TVP23A: variants seen among roughly 807,000 people sequenced by gnomAD.
TVP23A encodes the protein trans-golgi network vesicle protein 23 homolog A, also known as Golgi apparatus membrane protein TVP23 homolog A.
In TVP23A, 21 loss-of-function variants were observed where a neutral mutation model predicts 31.7. The observed-to-expected ratio is 0.66, with a 90% CI of 0.47 to 0.95. TVP23A has a LOEUF of 0.95. TVP23A is among the 40% of genes least tolerant of loss of function. TVP23A has a pLI of 0.00. For synonymous variants in TVP23A, 104 were observed against 96.0 expected (o/e 1.08, Z -0.49); for missense variants, 279 against 255.6 (o/e 1.09, Z -0.62).
intron 2 of TVP23A, among the ~76,000 whole-genome samples, chr16:10,785,230 C>A (rs1367212006): frequency 1.3e-5 from 2 of 152,078 alleles, no homozygotes; most frequent in African/African-American, 2.4e-5. Flanking sequence ...CATGGTGAAA[C>A]CTGCCTCTAT....
In TVP23A at chr16:10,812,679, T is replaced by C. The variant is rs1410906586; in HGVS notation, c.89+5424A>G. On this transcript the variant is annotated intron_variant, in intron 2 of 7. Transcript: ENST00000299866. ...GGACAAATACTGTATGACCCTTTTA[T>C]GGGGTCCCTAGAGTAGTCAAATGCA... Among the ~76,000 whole-genome samples, 3 of 152,294 alleles carry C rather than the reference T, an allele frequency of 2.0e-5. No individual in the cohort carries two copies. In the East Asian group the frequency reaches 5.8e-4, roughly 29 times the overall value.
rs146159707 is a variant in TVP23A at position 10,810,823 on chromosome 16, G to A, written c.89+7280C>T. 1.1e-4 allele frequency among the ~76,000 whole-genome samples: 17 copies of A among 152,286 alleles called. No individual in the cohort carries two copies. In the East Asian group the frequency reaches 3.3e-3, roughly 29 times the overall value. On this transcript the variant is annotated intron_variant, in intron 2 of 7. Coordinates refer to ENST00000299866, the MANE Select transcript of TVP23A (RefSeq NM_001079512.4). ...AGAATGAGACACTGTAGGCTCCCCTGGTTCCCAGGCCTTCGGGCTAGGATG... is the reference window on the plus strand; with the variant it reads ...AGAATGAGACACTGTAGGCTCCCCTAGTTCCCAGGCCTTCGGGCTAGGATG...
chr16:10,808,280 G>A (rs887048181), intron 2 of TVP23A, among the ~76,000 whole-genome samples: 1 of 152,176 alleles, frequency 6.6e-6, no homozygotes, highest in Non-Finnish European at 1.5e-5. Context: ...TCATGTCCAG[G>A]ACTGCTTTTG....
At chr16:10,799,840 G>A (rs1431344100) in intron 2 of TVP23A, among the ~76,000 whole-genome samples, 1 of 152,082 alleles carries the variant, frequency 6.6e-6, no homozygotes, top group African/African-American at 2.4e-5. Flanking sequence ...GGGACTCGGA[G>A]TTATTAACTG....
At chr16:10,786,385 G>C (rs2032752722) in intron 2 of TVP23A, among the ~76,000 whole-genome samples, 1 of 151,936 alleles carries the variant, frequency 6.6e-6, no homozygotes, top group Non-Finnish European at 1.5e-5. Flanking sequence ...GCTGCACTGA[G>C]CTATGATCAC....
At chr16:10,773,176 G>A in intron 5 of TVP23A, 137 bp downstream of exon 5, 1 of 1,169,824 alleles carries the variant, frequency 8.5e-7, no homozygotes, top group Non-Finnish European at 1.2e-6. Context: ...TAAATTGTAT[G>A]GAATGTGTAT....
At chr16:10,798,665 G>GTTT (rs1003933414) in intron 2 of TVP23A, among the ~76,000 whole-genome samples, 81 of 152,098 alleles carry the variant, frequency 5.3e-4, no homozygotes, top group African/African-American at 1.9e-3. Flanking sequence ...TTTTGTTTTT[G>GTTT]TTTTTGTTTT....
intron 5 of TVP23A, among the ~76,000 whole-genome samples, chr16:10,772,380 T>A (rs544986506): frequency 6.6e-6 from 1 of 152,200 alleles, no homozygotes; most frequent in Admixed American, 6.6e-5. Context: ...TATTTATTGA[T>A]TTTTTTTAAG....
intron 2 of TVP23A, among the ~76,000 whole-genome samples, chr16:10,782,151 CG>C (rs993068021): frequency 6.6e-5 from 10 of 152,078 alleles, no homozygotes; most frequent in African/African-American, 2.4e-4. Context: ...TGTGAGCTAC[CG>C]TACCTGGCCA....
At chr16:10,817,608 C>G (rs2034500002) in intron 2 of TVP23A, among the ~76,000 whole-genome samples, 1 of 152,200 alleles carries the variant, frequency 6.6e-6, no homozygotes, top group Non-Finnish European at 1.5e-5. Flanking sequence ...TTCCACTTGT[C>G]CAGCCCACTG....
intron 2 of TVP23A, among the ~76,000 whole-genome samples, chr16:10,794,624 G>A (rs1429560556): frequency 3.9e-5 from 6 of 152,150 alleles, no homozygotes; most frequent in African/African-American, 7.2e-5. Context: ...GAGCTTCCCC[G>A]AGTGGGAGTA....
chr16:10,759,809 G>T (rs769555904), downstream of TVP23A, among the ~76,000 whole-genome samples: 1 of 152,142 alleles, frequency 6.6e-6, no homozygotes, highest in Non-Finnish European at 1.5e-5. This position sits in a 1 kb window ranked among gnomAD's most constrained non-coding sequence, Gnocchi z 4.7. Flanking sequence ...AGACTGAGTC[G>T]CAGCCCATTG....
chr16:10,787,951 ATATT>A (rs1266072658), intron 2 of TVP23A, among the ~76,000 whole-genome samples: 2 of 152,162 alleles, frequency 1.3e-5, no homozygotes, highest in Non-Finnish European at 2.9e-5. Flanking sequence ...ACTCTGTAAA[ATATT>A]TAAAGAGATT....
chr16:10,804,607 G>A (rs1019400129), intron 2 of TVP23A, among the ~76,000 whole-genome samples: 3 of 152,210 alleles, frequency 2.0e-5, no homozygotes, highest in Non-Finnish European at 1.5e-5. Flanking sequence ...ATTAGCCGGT[G>A]TGGTGGTACA....
intron 2 of TVP23A, among the ~76,000 whole-genome samples, chr16:10,788,319 G>A (rs1291364031): frequency 6.6e-6 from 1 of 151,860 alleles, no homozygotes; most frequent in African/African-American, 2.4e-5. Flanking sequence ...CTGTCGCCCA[G>A]GTTGGAGTGC....
At chr16:10,816,290 T>C (rs1162002101) in intron 2 of TVP23A, among the ~76,000 whole-genome samples, 2 of 147,658 alleles carry the variant, frequency 1.4e-5, no homozygotes, top group Non-Finnish European at 3.0e-5. Context: ...ACAGCCACCA[T>C]ATATGATGAA....
chr16:10,769,966 C>G (rs375630139), intron 7 of TVP23A, among the ~76,000 whole-genome samples: 3 of 152,186 alleles, frequency 2.0e-5, no homozygotes, highest in Non-Finnish European at 2.9e-5. Flanking sequence ...TCCCCTTGTT[C>G]TTTCCCTCCC....
chr16:10,782,298 A>G (rs889597237), intron 2 of TVP23A, among the ~76,000 whole-genome samples: 1 of 152,122 alleles, frequency 6.6e-6, no homozygotes. Context: ...GCACTATCCC[A>G]GAAAATCCCC....
intron 2 of TVP23A, among the ~76,000 whole-genome samples, chr16:10,788,315 C>A (rs546557251): frequency 1.3e-5 from 2 of 151,746 alleles, no homozygotes; most frequent in East Asian, 3.9e-4. Flanking sequence ...TGCTCTGTCG[C>A]CCAGGTTGGA....
Sources: gnomAD v4.1 joint callset for allele counts (sites outside exome capture counted in the v4.1 genomes callset) on GRCh38, gnomAD v4.1.1 for gene constraint, Gnocchi (gnomAD v3.1) non-coding constraint, MANE v1.5 for transcripts, NCBI Gene and HGNC (gene_info 2026-07-23, HGNC 2026-07-21) for gene names.